GAB2: variants seen among roughly 807,000 people sequenced by gnomAD.
GAB2 encodes GRB2-associated-binding protein 2.
In GAB2, 26 loss-of-function variants were observed where a neutral mutation model predicts 65.5. That is an observed-to-expected ratio of 0.40 (90% CI 0.29 to 0.55). The LOEUF is 0.55. GAB2 is among the 20% of genes least tolerant of loss of function. The pLI, the probability that GAB2 is intolerant of heterozygous loss-of-function variation, is 0.53. For missense variants in GAB2, 884 were observed against 875.8 expected, an observed-to-expected ratio of 1.01 and a Z score of -0.12; for synonymous variants, 321 against 329.6, an observed-to-expected ratio of 0.97 and a Z score of 0.28.
chr11:78,275,523 A>G (rs117865049), intron 2 of GAB2, among the ~76,000 whole-genome samples: 122 of 152,280 alleles, frequency 8.0e-4, no homozygotes, highest in Non-Finnish European at 1.3e-3. Context: ...GAGCCACTAA[A>G]TTAAAACATA....
At chr11:78,309,402 C>T (rs139258868) in intron 1 of GAB2, among the ~76,000 whole-genome samples, 17 of 152,190 alleles carry the variant, frequency 1.1e-4, no homozygotes, top group African/African-American at 4.1e-4. Context: ...TCCCTGTCCC[C>T]CTCCCCAGCC....
rs141923579 is a variant in GAB2, at chr11:78,226,102, T to C, written c.1207+363A>G. ...ACACAGGTTTCACTCCAGTTTGGAC[T>C]GATCTTCTGAATTTATTTTTTAAAT... is the stretch of plus-strand genomic sequence containing the variant. On this transcript the variant is annotated intron_variant, in intron 4 of 9. Transcript: ENST00000361507. Among the ~76,000 whole-genome samples the C allele has an allele frequency of 4.6e-3, 697 of 152,388 alleles. 4 individuals are homozygous for C. The highest frequency in any genetic ancestry group is 0.016 in the African/African-American group (675 of 41,596).
chr11:78,300,062 CACA>C (rs1328428322), intron 1 of GAB2, among the ~76,000 whole-genome samples: 1 of 152,180 alleles, frequency 6.6e-6, no homozygotes, highest in African/African-American at 2.4e-5. Flanking sequence ...TCAATCAAGA[CACA>C]ACATTTCCAT....
intron 2 of GAB2, among the ~76,000 whole-genome samples, chr11:78,263,400 A>G (rs536485938): frequency 2.6e-5 from 4 of 152,220 alleles, no homozygotes; most frequent in Non-Finnish European, 4.4e-5. Flanking sequence ...TTGGGAGGCC[A>G]AGGCGGGCAG....
chr11:78,417,665 T>C lies in GAB2; in HGVS notation c.56A>G (p.Glu19Gly). The change falls in exon 1 of 10, where the codon GAG (glutamate) becomes GGG (glycine). Residue 19 changes from glutamate to glycine, a missense_variant. Glu to Gly is a moderately conservative substitution (Grantham distance 98, BLOSUM62 -2). Transcript: ENST00000361507. Reference sequence around the variant, plus strand: ...ACTCACATAGCGCCTCAACTTCTTCTCGGGAGGCGATTTCCTCAGCCAGCC... The same window carrying C: ...ACTCACATAGCGCCTCAACTTCTTCCCGGGAGGCGATTTCCTCAGCCAGCC... The part of the protein sequence containing the change: ...CTGWLRKSPP[E>G]KKLRRYAWKK... 7.2e-7 allele frequency: 1 copy of C among 1,386,760 alleles called. No individual in the cohort carries two copies. Among genetic ancestry groups the C allele is most frequent in the Non-Finnish European group, 9.5e-7 (1 of 1,047,346 alleles). 85.9% of individuals were successfully genotyped at this position (1,386,760 alleles called of 1,614,324 possible). A position where few individuals can be genotyped will look rare whatever the true frequency, so the allele number is the denominator to read the frequency against.
intron 1 of GAB2, among the ~76,000 whole-genome samples, chr11:78,308,949 A>C (rs1186971633): frequency 6.6e-6 from 1 of 152,232 alleles, no homozygotes; most frequent in Non-Finnish European, 1.5e-5. Flanking sequence ...AACATCCTGG[A>C]AAGATGCTGA....
rs368834317 is a variant in GAB2, at chr11:78,280,870, C to G, written c.107G>C (p.Ser36Thr). ...AWKKRWFILRSGRMSGDPDVL... is the reference protein window; with the variant it reads ...AWKKRWFILRTGRMSGDPDVL... ...ATCTGGGTCACCGCTCATCCGGCCACTCCGCAGGATAAACCAGCGTTTCTT... is the reference window on the plus strand; with the variant it reads ...ATCTGGGTCACCGCTCATCCGGCCAGTCCGCAGGATAAACCAGCGTTTCTT... The change falls in exon 2 of 10, where the codon AGT (serine) becomes ACT (threonine). Residue 36 changes from serine to threonine, a missense_variant. Transcript: ENST00000361507. 12 of 1,614,002 alleles carry G rather than the reference C, an allele frequency of 7.4e-6. No individual in the cohort carries two copies. The highest frequency in any genetic ancestry group is 1.0e-5 in the Non-Finnish European group (12 of 1,179,966).
intron 3 of GAB2, among the ~76,000 whole-genome samples, chr11:78,245,338 A>G (rs1865268018): frequency 2.0e-5 from 3 of 152,344 alleles, no homozygotes; most frequent in South Asian, 4.1e-4. Context: ...AAAATCATTC[A>G]GAGGAAGGAA....
chr11:78,242,307 C>T (rs1449090195), intron 3 of GAB2, among the ~76,000 whole-genome samples: 2 of 151,962 alleles, frequency 1.3e-5, no homozygotes, highest in Non-Finnish European at 2.9e-5. Flanking sequence ...TCGAGACCAA[C>T]CTGGCTAACA....
intron 3 of GAB2, chr11:78,231,894 T>A (rs1864861453): frequency 6.6e-6 from 1 of 152,260 alleles, no homozygotes; most frequent in East Asian, 1.9e-4. Context: ...TAGAGTTCTG[T>A]AACTGTCACT....
chr11:78,318,894 A>T (rs2134658533), intron 1 of GAB2, among the ~76,000 whole-genome samples: 1 of 152,302 alleles, frequency 6.6e-6, no homozygotes, highest in East Asian at 1.9e-4. Flanking sequence ...CCCGCACTGG[A>T]GCTGTTGGCT....
chr11:78,268,335 G>T (rs1590982726), intron 2 of GAB2, among the ~76,000 whole-genome samples: 1 of 152,164 alleles, frequency 6.6e-6, no homozygotes, highest in African/African-American at 2.4e-5. Context: ...AGAGAAGACT[G>T]TATCTACTGA....
intron 7 of GAB2, 123 bp downstream of exon 7, chr11:78,221,982 G>T (rs1864448171): frequency 1.3e-6 from 1 of 740,772 alleles, no homozygotes; most frequent in Non-Finnish European, 2.4e-6. Context: ...ATCGAGACAT[G>T]ATCAGCTAAT....
At chr11:78,380,028 GA>G (rs1173156170) in intron 1 of GAB2, among the ~76,000 whole-genome samples, 1 of 152,160 alleles carries the variant, frequency 6.6e-6, no homozygotes, top group East Asian at 1.9e-4. Flanking sequence ...AGCTAGAATT[GA>G]TTATGAAGTA....
At chr11:78,400,755 A>C (rs895099092) in intron 1 of GAB2, among the ~76,000 whole-genome samples, 2 of 152,016 alleles carry the variant, frequency 1.3e-5, no homozygotes, top group African/African-American at 4.8e-5. Flanking sequence ...ATACAAAAAA[A>C]TTAGCCAGGC....
chr11:78,324,345 G>A (rs140741467), intron 1 of GAB2, among the ~76,000 whole-genome samples: 14 of 152,284 alleles, frequency 9.2e-5, no homozygotes, highest in Middle Eastern at 3.4e-3. Context: ...CTGTGATGGT[G>A]TATAATTCAG....
intron 1 of GAB2, among the ~76,000 whole-genome samples, chr11:78,393,314 T>G (rs1856857409): frequency 6.6e-6 from 1 of 152,220 alleles, no homozygotes; most frequent in African/African-American, 2.4e-5. Flanking sequence ...CTTATTACAA[T>G]GCCTGAAGTC....
intron 1 of GAB2, among the ~76,000 whole-genome samples, chr11:78,389,347 C>A (rs1451334754): frequency 6.7e-6 from 1 of 149,592 alleles, no homozygotes; most frequent in Non-Finnish European, 1.5e-5. Flanking sequence ...TTGCTCGTTG[C>A]CCAGGAAGGA....
At chr11:78,300,694 TG>T (rs1280818112) in intron 1 of GAB2, among the ~76,000 whole-genome samples, 11 of 135,062 alleles carry the variant, frequency 8.1e-5, no homozygotes, top group African/African-American at 1.2e-4. Flanking sequence ...GGTTTTTTTT[TG>T]TTTTTTTTTT....
Sources: gnomAD v4.1 joint callset for allele counts (sites outside exome capture counted in the v4.1 genomes callset) on GRCh38, gnomAD v4.1.1 for gene constraint, MANE v1.5 for transcripts, NCBI Gene and HGNC (gene_info 2026-07-23, HGNC 2026-07-21) for gene names.